Variants in DTNBP1 observed in about 807,000 individuals in gnomAD.
DTNBP1 encodes dystrobrevin binding protein 1.
In DTNBP1, 35 loss-of-function variants were observed where a neutral mutation model predicts 42.8. The ratio of observed to expected loss-of-function variants is 0.82; its 90% CI spans 0.63 to 1.09. The LOEUF is 1.09. Among genes scored for constraint, DTNBP1 ranks in the 50% least tolerant of loss-of-function variants. The pLI, the probability that DTNBP1 is intolerant of heterozygous loss-of-function variation, is 0.00. For synonymous variants in DTNBP1, 171 were observed against 162.2 expected (o/e 1.05, Z -0.41); for missense variants, 457 against 424.2 (o/e 1.08, Z -0.68).
intron 3 of DTNBP1, among the ~76,000 whole-genome samples, chr6:15,649,205 T>C (rs907529559): frequency 6.6e-6 from 1 of 152,112 alleles, no homozygotes; most frequent in Non-Finnish European, 1.5e-5. Flanking sequence ...AAAAGGTACT[T>C]GTCACTCATG....
intron 8 of DTNBP1, among the ~76,000 whole-genome samples, chr6:15,532,199 C>T (rs1290052150): frequency 2.0e-5 from 3 of 152,328 alleles, no homozygotes; most frequent in African/African-American, 7.2e-5. Flanking sequence ...ACTGCCTGTG[C>T]AGCGCAGGCT....
At chr6:15,618,841 G>C (rs1758870145) in intron 5 of DTNBP1, among the ~76,000 whole-genome samples, 2 of 152,128 alleles carry the variant, frequency 1.3e-5, no homozygotes, top group South Asian at 4.1e-4. Flanking sequence ...TCCATCAATA[G>C]ATGAATGGAT....
chr6:15,574,121 C>T (rs768206381), intron 7 of DTNBP1, among the ~76,000 whole-genome samples: 5 of 152,164 alleles, frequency 3.3e-5, no homozygotes, highest in Non-Finnish European at 7.3e-5. Flanking sequence ...ACACCAGAAC[C>T]CCATGTGGAT....
chr6:15,533,725 T>C, intron 7 of DTNBP1: 1 of 495,302 alleles, frequency 2.0e-6, no homozygotes, highest in East Asian at 5.8e-5. Flanking sequence ...CAGGTCGTCC[T>C]TCTACTAACT....
At chr6:15,657,215 C>A (rs1761335607) in intron 1 of DTNBP1, among the ~76,000 whole-genome samples, 1 of 152,208 alleles carries the variant, frequency 6.6e-6, no homozygotes, top group African/African-American at 2.4e-5. Context: ...TCACTTCTCA[C>A]CTGAGCGCAA....
chr6:15,611,103 TG>T (rs1410898531), intron 6 of DTNBP1, among the ~76,000 whole-genome samples: 2 of 152,242 alleles, frequency 1.3e-5, no homozygotes, highest in Non-Finnish European at 2.9e-5. Flanking sequence ...AAGGACAGTC[TG>T]ATTCTCTTGT....
intron 6 of DTNBP1, among the ~76,000 whole-genome samples, chr6:15,595,498 C>G (rs1776482688): frequency 6.6e-6 from 1 of 151,992 alleles, no homozygotes; most frequent in Non-Finnish European, 1.5e-5. Flanking sequence ...AACTCCTGAC[C>G]TCAGTTGATC....
At chr6:15,545,000 C>T (rs1392132567) in intron 7 of DTNBP1, among the ~76,000 whole-genome samples, 1 of 152,100 alleles carries the variant, frequency 6.6e-6, no homozygotes, top group Non-Finnish European at 1.5e-5. Context: ...ACAAAATACA[C>T]AATATTTCCT....
Position 15,524,506 on chromosome 6 carries a change from T to C in DTNBP1, c.811+20A>G. 6.2e-7 allele frequency: 1 copy of C among 1,609,002 alleles called. No individual in the cohort carries two copies. Among genetic ancestry groups the C allele is most frequent in the Non-Finnish European group, 8.5e-7 (1 of 1,176,284 alleles). ...ATCGATACTGCCCTGGTTCAGCTAATGCAAGTTTGTCAACCCTACCTAAGG... is the reference window on the plus strand; with the variant it reads ...ATCGATACTGCCCTGGTTCAGCTAACGCAAGTTTGTCAACCCTACCTAAGG... On this transcript the variant is annotated intron_variant, in intron 9 of 9. Coordinates refer to ENST00000344537, the MANE Select transcript of DTNBP1 (RefSeq NM_032122.5).
At chr6:15,558,687 G>A (rs1774663967) in intron 7 of DTNBP1, among the ~76,000 whole-genome samples, 1 of 152,116 alleles carries the variant, frequency 6.6e-6, no homozygotes, top group Non-Finnish European at 1.5e-5. Flanking sequence ...GAGCAAAATG[G>A]GAATTGCATA....
intron 6 of DTNBP1, among the ~76,000 whole-genome samples, chr6:15,610,835 T>G (rs115745387): frequency 7.9e-5 from 12 of 152,298 alleles, no homozygotes; most frequent in African/African-American, 2.9e-4. Flanking sequence ...CTGGAAAAGT[T>G]TGATGCTAGC....
intron 1 of DTNBP1, among the ~76,000 whole-genome samples, chr6:15,656,785 A>T (rs947984034): frequency 6.6e-6 from 1 of 152,160 alleles, no homozygotes; most frequent in African/African-American, 2.4e-5. Context: ...AGATAAACAG[A>T]ATGATGCATT....
chr6:15,654,607 C>G (rs866892122), intron 1 of DTNBP1, among the ~76,000 whole-genome samples: 6 of 151,954 alleles, frequency 3.9e-5, no homozygotes, highest in Admixed American at 2.0e-4. Context: ...TCTCTGCCCC[C>G]CTACCCCATC....
At chr6:15,641,103 C>T (rs937899533) in intron 3 of DTNBP1, among the ~76,000 whole-genome samples, 13 of 152,224 alleles carry the variant, frequency 8.5e-5, no homozygotes, top group African/African-American at 3.1e-4. Context: ...AAAAGGCCAG[C>T]GTCTGGTTTT....
In DTNBP1 at chr6:15,560,303, C is replaced by CA. The variant is rs551642924; in HGVS notation, c.512-26909dup. 2.5e-3 allele frequency among the ~76,000 whole-genome samples: 329 copies of CA among 133,572 alleles called. 1 individual carries two copies. The highest frequency in any genetic ancestry group is 0.012 in the Middle Eastern group (3 of 254). 87.6% of individuals were successfully genotyped at this position (133,572 alleles called of 152,430 possible). ...CCTGGGCAACGGAGCGAGACTGTCT[C>CA]AAAAAAAAAAAAAGTGTTTGAGCCT... On this transcript the variant is annotated intron_variant, in intron 7 of 9. Coordinates refer to ENST00000344537, the MANE Select transcript of DTNBP1 (RefSeq NM_032122.5).
intron 7 of DTNBP1, among the ~76,000 whole-genome samples, chr6:15,577,587 A>G (rs1271833942): frequency 6.6e-6 from 1 of 152,206 alleles, no homozygotes; most frequent in Non-Finnish European, 1.5e-5. Flanking sequence ...CATCTAATGA[A>G]ATGGAGAAGA....
intron 6 of DTNBP1, among the ~76,000 whole-genome samples, chr6:15,603,401 T>G (rs929479206): frequency 6.6e-6 from 1 of 152,202 alleles, no homozygotes; most frequent in Non-Finnish European, 1.5e-5. Flanking sequence ...GATACAAGTT[T>G]CAGCCTTTTT....
chr6:15,570,484 C>T (rs1561965743), intron 7 of DTNBP1, among the ~76,000 whole-genome samples: 1 of 152,230 alleles, frequency 6.6e-6, no homozygotes, highest in Non-Finnish European at 1.5e-5. Context: ...CCCATCAGAA[C>T]TCAGCTATAT....
chr6:15,542,428 G>A (rs1773623045), intron 7 of DTNBP1, among the ~76,000 whole-genome samples: 1 of 151,950 alleles, frequency 6.6e-6, no homozygotes, highest in South Asian at 2.1e-4. Flanking sequence ...CTGGAGTGCA[G>A]TGGTACGATT....
Sources: gnomAD v4.1 joint callset for allele counts (sites outside exome capture counted in the v4.1 genomes callset) on GRCh38, gnomAD v4.1.1 for gene constraint, MANE v1.5 for transcripts, NCBI Gene and HGNC (gene_info 2026-07-23, HGNC 2026-07-21) for gene names.